Variants in NOX4 observed in about 807,000 individuals in gnomAD.
NOX4 encodes kidney oxidase-1.
Under a neutral mutation model 87.6 loss-of-function variants are expected in NOX4, and 69 were observed. The observed-to-expected ratio is 0.79, with a 90% CI of 0.65 to 0.96. The LOEUF (loss-of-function observed/expected upper bound fraction) is 0.96, where lower values mean the gene tolerates loss of function less well. Among genes scored for constraint, NOX4 ranks in the 40% least tolerant of loss-of-function variants. NOX4 has a pLI of 0.00. For synonymous variants in NOX4, 275 were observed against 238.2 expected, an observed-to-expected ratio of 1.15 and a Z score of -1.42; for missense variants, 680 against 681.5, an observed-to-expected ratio of 1.00 and a Z score of 0.02.
intron 5 of NOX4, 58 bp downstream of exon 5, chr11:89,444,077 C>A (rs1944575120): frequency 9.8e-6 from 14 of 1,435,854 alleles, no homozygotes; most frequent in Admixed American, 8.5e-5. Context: ...AAATCACAGA[C>A]CCTCATTAGT....
At chr11:89,439,930 TA>T (rs1200708310) in intron 6 of NOX4, among the ~76,000 whole-genome samples, 4 of 152,192 alleles carry the variant, frequency 2.6e-5, no homozygotes, top group African/African-American at 4.8e-5. Context: ...ATTTTAAGAT[TA>T]AAAAAAGTTG....
intron 7 of NOX4, among the ~76,000 whole-genome samples, chr11:89,423,416 TACA>T (rs1415859671): frequency 6.6e-6 from 1 of 152,170 alleles, no homozygotes; most frequent in African/African-American, 2.4e-5. Context: ...TAGATAGACC[TACA>T]TTTGCTTAAA....
the NOX4 span, among the ~76,000 whole-genome samples, chr11:89,538,808 G>A: frequency 6.6e-6 from 1 of 151,804 alleles, no homozygotes; most frequent in South Asian, 2.1e-4. Flanking sequence ...ATGATATATG[G>A]GGGCCAGATG....
chr11:89,516,181 A>G, the NOX4 span, among the ~76,000 whole-genome samples: 1 of 151,960 alleles, frequency 6.6e-6, no homozygotes, highest in Non-Finnish European at 1.5e-5. Context: ...ATTTCCACTC[A>G]CTTCCCTGTT....
At chr11:89,534,320 G>A in the NOX4 span, among the ~76,000 whole-genome samples, 1 of 152,200 alleles carries the variant, frequency 6.6e-6, no homozygotes, top group Non-Finnish European at 1.5e-5. Flanking sequence ...TCCAGATGTT[G>A]TATGCCAAGG....
chr11:89,438,882 AATATATT>A (rs1355262889), intron 6 of NOX4, among the ~76,000 whole-genome samples: 9 of 51,672 alleles, frequency 1.7e-4, no homozygotes, highest in South Asian at 5.2e-4. Context: ...TATAATATAT[AATATATT>A]ATATATTATA....
chr11:89,345,627 C>T (rs1946183924), intron 13 of NOX4, among the ~76,000 whole-genome samples: 2 of 152,126 alleles, frequency 1.3e-5, no homozygotes, highest in South Asian at 2.1e-4. Context: ...TTGTTTCCAT[C>T]TTCATGTCTA....
At chr11:89,368,064 A>C (rs1337864876) in intron 12 of NOX4, among the ~76,000 whole-genome samples, 1 of 152,166 alleles carries the variant, frequency 6.6e-6, no homozygotes, top group East Asian at 1.9e-4. Context: ...AGCAATATAA[A>C]ACTTCCTGTC....
At chr11:89,430,964 G>C (rs1200068204) in intron 7 of NOX4, among the ~76,000 whole-genome samples, 2 of 152,090 alleles carry the variant, frequency 1.3e-5, no homozygotes, top group East Asian at 3.9e-4. Flanking sequence ...ATACTACAAG[G>C]CTGCAGTAAC....
intron 11 of NOX4, among the ~76,000 whole-genome samples, chr11:89,396,849 G>T (rs975209741): frequency 1.3e-5 from 2 of 152,096 alleles, no homozygotes; most frequent in African/African-American, 4.8e-5. Context: ...AAGAGACTTA[G>T]ACTCCCACTC....
intron 2 of NOX4, among the ~76,000 whole-genome samples, chr11:89,490,048 AAAAC>A (rs1811945943): frequency 6.6e-6 from 1 of 152,224 alleles, no homozygotes; most frequent in African/African-American, 2.4e-5. Context: ...GTTGTCAGTA[AAAAC>A]AAACAGTGCA....
chr11:89,406,365 T>C (rs1399458253), intron 8 of NOX4, among the ~76,000 whole-genome samples: 1 of 152,120 alleles, frequency 6.6e-6, no homozygotes, highest in African/African-American at 2.4e-5. Context: ...TACCTTTATT[T>C]ATTTTAGATG....
At chr11:89,470,407 T>G (rs16913333) in intron 2 of NOX4, among the ~76,000 whole-genome samples, 5,865 of 152,266 alleles carry the variant, frequency 0.039, 331 homozygotes, top group African/African-American at 0.13. Context: ...AACTATGTGT[T>G]CTATAAATAT....
intron 6 of NOX4, among the ~76,000 whole-genome samples, chr11:89,433,968 C>T (rs1332788046): frequency 6.6e-6 from 1 of 152,152 alleles, no homozygotes; most frequent in East Asian, 1.9e-4. Flanking sequence ...TTTGTTTACT[C>T]TCACAAGCAA....
chr11:89,467,305 C>T (rs1209033634), intron 2 of NOX4, among the ~76,000 whole-genome samples: 6 of 135,360 alleles, frequency 4.4e-5, no homozygotes, highest in African/African-American at 1.7e-4. Flanking sequence ...GAGGCCAGAT[C>T]GCACCATTGC....
chr11:89,454,470 T>C (rs1010743187), intron 2 of NOX4, among the ~76,000 whole-genome samples: 1 of 152,064 alleles, frequency 6.6e-6, no homozygotes, highest in Non-Finnish European at 1.5e-5. Flanking sequence ...TTTTGAAAGC[T>C]TTCCAGATGA....
intron 13 of NOX4, among the ~76,000 whole-genome samples, chr11:89,349,440 A>G (rs1471634740): frequency 6.6e-6 from 1 of 152,196 alleles, no homozygotes; most frequent in Non-Finnish European, 1.5e-5. Context: ...AGGAAAGAGA[A>G]AGGAGGATAA....
chr11:89,408,485 T>A (rs1942306053), intron 8 of NOX4, among the ~76,000 whole-genome samples: 1 of 152,202 alleles, frequency 6.6e-6, no homozygotes, highest in Admixed American at 6.5e-5. Context: ...CATTTAGAAG[T>A]AGAGTGCTTT....
Position 89,402,537 on chromosome 11 carries a change from A to C in NOX4, c.635T>G (p.Leu212Arg). The change falls in exon 9 of 18, where the codon CTG becomes CGG. Residue 212 changes from leucine (L) to arginine (R), a missense_variant. Coordinates refer to ENST00000263317, the MANE Select transcript of NOX4 (RefSeq NM_016931.5). ...MLLTLHVSGG[L>R]LKYQTNLDTH... is the part of the protein sequence containing the mutation. ...ATCTAAATTAGTTTGATACTTCAGC[A>C]GCCCTCTAAAATTACATTTAAAACA... 1 of 1,609,478 alleles carries C rather than the reference A, an allele frequency of 6.2e-7. No individual in the cohort carries two copies. Among genetic ancestry groups the C allele is most frequent in the African/African-American group, 1.3e-5 (1 of 74,880 alleles).
Sources: allele counts gnomAD v4.1 joint callset (sites outside exome capture counted in the v4.1 genomes callset), GRCh38; gene constraint gnomAD v4.1.1; transcripts MANE v1.5; gene names NCBI Gene and HGNC (gene_info 2026-07-23, HGNC 2026-07-21).